Variants in SEL1L3 observed in about 807,000 individuals in gnomAD.
SEL1L3 encodes the protein SEL1L family member 3.
SEL1L3 carries 76 observed loss-of-function variants against 142.8 expected under a neutral mutation model. The observed-to-expected ratio is 0.53, with a 90% CI of 0.44 to 0.64. SEL1L3 has a LOEUF of 0.64. SEL1L3 is among the 30% of genes least tolerant of loss of function. SEL1L3 has a pLI of 0.00. For synonymous variants in SEL1L3, 504 were observed against 519.6 expected (o/e 0.97, Z 0.41); for missense variants, 1,262 against 1,381.7 (o/e 0.91, Z 1.37).
chr4:25,861,192 A>G (rs1488153934), intron 1 of SEL1L3, among the ~76,000 whole-genome samples: 1 of 152,196 alleles, frequency 6.6e-6, no homozygotes, highest in East Asian at 1.9e-4. Flanking sequence ...TTAAACTGAA[A>G]TCTTGTCATT....
rs77443339 is a variant in SEL1L3, at chr4:25,765,029, C to T, written c.2955+297G>A. On this transcript the variant is annotated intron_variant, in intron 20 of 23. Transcript: ENST00000399878. ...TTTTTTTCTGAGACAGGGTCTTGCT[C>T]TGTCACCCAGGCTGGAGTGCAATGG... Among the ~76,000 whole-genome samples, 791 of 152,246 alleles carry T rather than the reference C, an allele frequency of 5.2e-3. 10 individuals are homozygous for T. Among genetic ancestry groups the T allele is most frequent in the African/African-American group, 0.018 (757 of 41,546 alleles).
chr4:25,755,814 C>A, intron 23 of SEL1L3: 1 of 925,098 alleles, frequency 1.1e-6, no homozygotes, highest in Non-Finnish European at 1.3e-6. Flanking sequence ...AACGGAACTG[C>A]ATTTGTAATA....
At chr4:25,751,926 T>A in intron 23 of SEL1L3, among the ~76,000 whole-genome samples, 1 of 151,562 alleles carries the variant, frequency 6.6e-6, no homozygotes, top group Non-Finnish European at 1.5e-5. Context: ...CTAACCAACA[T>A]GGTGAAACCC....
At chr4:25,774,379 A>G (rs898470616) in intron 17 of SEL1L3, among the ~76,000 whole-genome samples, 3 of 152,216 alleles carry the variant, frequency 2.0e-5, no homozygotes, top group Non-Finnish European at 4.4e-5. Context: ...CAAAGGGTAC[A>G]GGACACACTT....
Position 25,862,977 on chromosome 4 carries a change from G to A in SEL1L3, c.-141C>T, listed in dbSNP as rs867243708. On this transcript the variant is annotated 5_prime_UTR_variant, in exon 1 of 24. Transcript: ENST00000399878. The stretch of plus-strand genomic sequence containing the variant: ...ACCTGCCGCCACCTCCGGACCCGCC[G>A]CCGCCGCCACTGCCGCTCCCGCCGT... The A allele has an allele frequency of 2.8e-3, 1,215 of 438,640 alleles. 13 individuals carry two copies. The African/African-American group carries it at 0.029, about 10-fold the overall frequency. 27.2% of individuals were successfully genotyped at this position (438,640 alleles called of 1,614,324 possible).
At position 25,847,877 on chromosome 4, in the gene SEL1L3, AAAAG is replaced by A; in HGVS notation, c.163-17_163-14del. On this transcript the variant is annotated splice_polypyrimidine_tract_variant and intron_variant, in intron 1 of 23. Coordinates refer to ENST00000399878, the MANE Select transcript of SEL1L3 (RefSeq NM_015187.5). The stretch of plus-strand genomic sequence containing the variant: ...ATGGTACAACATTCTGAAAAAAAGA[AAAAG>A]AAAGTAAGAAATACAGAAAGTTTAA... 6.8e-7 allele frequency: 1 copy of A among 1,469,430 alleles called. No homozygotes were observed. The highest frequency in any genetic ancestry group is 9.1e-7 in the Non-Finnish European group (1 of 1,095,458). The allele number at this position is 1,469,430 out of a possible 1,614,324, so 91.0% of individuals were successfully genotyped here. A position where few individuals can be genotyped will look rare whatever the true frequency, so the allele number is the denominator to read the frequency against.
At chr4:25,805,982 T>C (rs1713529689) in intron 9 of SEL1L3, among the ~76,000 whole-genome samples, 2 of 152,182 alleles carry the variant, frequency 1.3e-5, no homozygotes, top group African/African-American at 2.4e-5. Flanking sequence ...GATGTTTCTT[T>C]TTTTCTTCAT....
downstream of SEL1L3, among the ~76,000 whole-genome samples, chr4:25,743,372 C>T (rs577604468): frequency 6.6e-6 from 1 of 152,296 alleles, no homozygotes; most frequent in South Asian, 2.1e-4. Flanking sequence ...CCTCTGTACC[C>T]TACCCTCTGT....
chr4:25,831,786 T>G (rs1715464288), intron 5 of SEL1L3, among the ~76,000 whole-genome samples: 1 of 152,240 alleles, frequency 6.6e-6, no homozygotes, highest in South Asian at 2.1e-4. Flanking sequence ...CCCAAAGTGC[T>G]GGGATTACAG....
chr4:25,832,212 C>A (rs1268877002), intron 5 of SEL1L3, among the ~76,000 whole-genome samples: 3 of 152,152 alleles, frequency 2.0e-5, no homozygotes, highest in Non-Finnish European at 4.4e-5. Context: ...ATGTGATCAA[C>A]CTAAACACCA....
At chr4:25,819,751 A>G in intron 8 of SEL1L3, 57 bp downstream of exon 8, 2 of 1,532,844 alleles carry the variant, frequency 1.3e-6, no homozygotes, top group Non-Finnish European at 8.8e-7. Flanking sequence ...GAAGCCAAAC[A>G]TGTGTTTATG....
chr4:25,821,462 C>T (rs540614403), intron 7 of SEL1L3, among the ~76,000 whole-genome samples: 10 of 152,286 alleles, frequency 6.6e-5, no homozygotes, highest in South Asian at 2.1e-4. Context: ...CAGTTCCATT[C>T]GGGGGCGGGT....
rs1252580631 is a variant in SEL1L3, at chr4:25,765,398, G to A, written c.2883C>T (p.His961=). The A allele has an allele frequency of 1.9e-6, 3 of 1,613,822 alleles. No individual in the cohort carries two copies. The highest frequency in any genetic ancestry group is 1.7e-5 in the Admixed American group (1 of 60,030). The change falls in exon 20 of 24, where the codon CAC becomes CAT. Residue 961 remains histidine, a synonymous_variant. Coordinates refer to ENST00000399878, the MANE Select transcript of SEL1L3 (RefSeq NM_015187.5). ...LKMGDLYYYG[H]QNQSQDLELS... Reference sequence around the variant, plus strand: ...ACTCCAGGTCTTGTGACTGGTTTTGGTGGCCATAGTAGTAAAGGTCTCCCA... The same window carrying A: ...ACTCCAGGTCTTGTGACTGGTTTTGATGGCCATAGTAGTAAAGGTCTCCCA...
chr4:25,779,105 T>C lies in SEL1L3; in HGVS notation c.2556A>G (p.Thr852=), dbSNP rs146098154. Residue 852 remains threonine, a synonymous_variant, in exon 16 of 24, where the codon ACA becomes ACG. Coordinates refer to ENST00000399878, the MANE Select transcript of SEL1L3 (RefSeq NM_015187.5). ...CAGCTTTCTCAGGATCTCTAGGGAATGTCTCCAGGTTGCCTGTGATATAGT... is the reference window on the plus strand; with the variant it reads ...CAGCTTTCTCAGGATCTCTAGGGAACGTCTCCAGGTTGCCTGTGATATAGT... ...SLYYITGNLE[T]FPRDPEKAVV... is the part of the protein sequence containing the mutation. The C allele has an allele frequency of 3.1e-6, 5 of 1,613,640 alleles. No homozygotes were observed. The highest frequency in any genetic ancestry group is 2.2e-5 in the East Asian group (1 of 44,872).
intron 14 of SEL1L3, among the ~76,000 whole-genome samples, chr4:25,783,653 G>GT (rs1307498207): frequency 2.0e-5 from 3 of 152,204 alleles, no homozygotes; most frequent in Admixed American, 2.0e-4. Context: ...GCATGTGTGG[G>GT]TGGGGGCCCC....
chr4:25,748,272 T>A lies in SEL1L3; in HGVS notation c.*153A>T, dbSNP rs1031683680. On this transcript the variant is annotated 3_prime_UTR_variant, in exon 24 of 24. Coordinates refer to ENST00000399878, the MANE Select transcript of SEL1L3 (RefSeq NM_015187.5). ...GCCTGATCTGGGTACTTCCTTGTAA[T>A]TTGACTTTAAAAAAAATGACACCAA... The A allele has an allele frequency of 5.7e-6, 4 of 700,522 alleles. No homozygotes were observed. Among genetic ancestry groups the A allele is most frequent in the Middle Eastern group, 2.9e-4 (1 of 3,506 alleles). The allele number at this position is 700,522 out of a possible 1,614,324, so 43.4% of individuals were successfully genotyped here. A position where few individuals can be genotyped will look rare whatever the true frequency, so the allele number is the denominator to read the frequency against.
At chr4:25,805,775 C>T (rs1486722677) in intron 9 of SEL1L3, among the ~76,000 whole-genome samples, 2 of 152,164 alleles carry the variant, frequency 1.3e-5, no homozygotes, top group Non-Finnish European at 2.9e-5. Context: ...ATGCTAGATG[C>T]TGTGTTACAA....
intron 6 of SEL1L3, among the ~76,000 whole-genome samples, chr4:25,824,619 T>A (rs763355325): frequency 3.9e-5 from 6 of 152,236 alleles, no homozygotes; most frequent in Non-Finnish European, 8.8e-5. Context: ...AAGAATAAGA[T>A]GTGCATACTC....
the SEL1L3 span, chr4:25,718,852 G>A: frequency 6.6e-6 from 1 of 152,164 alleles, no homozygotes; most frequent in African/African-American, 2.4e-5. Context: ...AAGATTATTG[G>A]ATCAGGAGGT....
Sources: allele counts gnomAD v4.1 joint callset (sites outside exome capture counted in the v4.1 genomes callset), GRCh38; gene constraint gnomAD v4.1.1; transcripts MANE v1.5; gene names NCBI Gene and HGNC (gene_info 2026-07-23, HGNC 2026-07-21).